The following GPSM1 variants were observed in gnomAD, a reference collection of about 807,000 sequenced individuals.
The protein encoded by GPSM1 is G protein signaling modulator 1.
GPSM1 carries 48 observed loss-of-function variants against 70.5 expected under a neutral mutation model. The ratio of observed to expected loss-of-function variants is 0.68; its 90% CI spans 0.54 to 0.87. The LOEUF (loss-of-function observed/expected upper bound fraction) is 0.87, where lower values mean the gene tolerates loss of function less well. Ranked by LOEUF, GPSM1 falls within the 40% of genes least tolerant of loss-of-function variation. GPSM1 has a pLI of 0.00. For missense variants in GPSM1, 981 were observed against 972.6 expected (o/e 1.01, Z -0.11); for synonymous variants, 416 against 430.1 (o/e 0.97, Z 0.41).
rs984402373 is a variant in GPSM1 at position 136,357,866 on chromosome 9, G to T, written c.1822-148G>T. On this transcript the variant is annotated intron_variant, in intron 13 of 13. Coordinates refer to ENST00000440944, the MANE Select transcript of GPSM1 (RefSeq NM_001145638.3). ...CGGGCTCCCAGCACAAGACCCCAGA[G>T]CGAGGCAGGCCCCAGAACCAATTTC... The T allele has an allele frequency of 1.1e-5, 7 of 621,462 alleles. No individual in the cohort carries two copies. In the African/African-American group the frequency reaches 1.3e-4, roughly 12 times the overall value. 38.5% of individuals were successfully genotyped at this position (621,462 alleles called of 1,614,324 possible).
intron 1 of GPSM1, 56 bp downstream of exon 1, chr9:136,327,819 T>A (rs1832011639): frequency 1.4e-6 from 1 of 700,974 alleles, no homozygotes; most frequent in African/African-American, 1.9e-5. Flanking sequence ...CCGGGCCGGG[T>A]CGGGACGCGG....
chr9:136,344,900 G>T (rs1254699832), intron 9 of GPSM1, among the ~76,000 whole-genome samples: 1 of 152,214 alleles, frequency 6.6e-6, no homozygotes, highest in Non-Finnish European at 1.5e-5. Context: ...AAGGGGCAAG[G>T]CCTAGGCCAG....
intron 11 of GPSM1, among the ~76,000 whole-genome samples, chr9:136,353,703 C>G (rs1425398533): frequency 6.6e-6 from 1 of 152,196 alleles, no homozygotes. Context: ...CCAGGAGGGA[C>G]CTTGCTCAGT....
chr9:136,338,440 G>A (rs1029597563), intron 6 of GPSM1, 115 bp from the exon 7 acceptor site: 9 of 975,030 alleles, frequency 9.2e-6, no homozygotes, highest in Non-Finnish European at 1.2e-5. Flanking sequence ...CCCCAGAGAG[G>A]CCCCAGTGGG....
intron 1 of GPSM1, 72 bp downstream of exon 1, chr9:136,327,835 G>T: frequency 1.8e-6 from 1 of 541,278 alleles, no homozygotes; most frequent in East Asian, 4.7e-5. Context: ...CGCGGGGGAG[G>T]CTGCAGTTGG....
At chr9:136,345,064 C>T (rs1554771023) in intron 9 of GPSM1, among the ~76,000 whole-genome samples, 1 of 152,168 alleles carries the variant, frequency 6.6e-6, no homozygotes, top group African/African-American at 2.4e-5. Flanking sequence ...GGATTTCAGA[C>T]CAGAGGTGGG....
chr9:136,344,463 G>C (rs1008243471), intron 9 of GPSM1, among the ~76,000 whole-genome samples: 37 of 152,206 alleles, frequency 2.4e-4, no homozygotes, highest in Admixed American at 2.6e-4. Context: ...GCTGGCAGAC[G>C]GCGCTTTCTT....
Position 136,354,874 on chromosome 9 carries a change from A to G in GPSM1, c.1456-816A>G, listed in dbSNP as rs1236523736. ...CACAGGGTGTGGTGGGCACAGGGAC[A>G]GGAGGCACGGGAGGCTTCCCGGGAT... On this transcript the variant is annotated intron_variant, in intron 11 of 13. Coordinates refer to ENST00000440944, the MANE Select transcript of GPSM1 (RefSeq NM_001145638.3). 18 of 1,014,240 alleles carry G rather than the reference A, an allele frequency of 1.8e-5. 1 individual carries two copies. The Admixed American group carries it at 6.7e-4, about 38-fold the overall frequency. The allele number at this position is 1,014,240 out of a possible 1,614,324, so 62.8% of individuals were successfully genotyped here.
intron 13 of GPSM1, among the ~76,000 whole-genome samples, chr9:136,357,549 A>T (rs1163033547): frequency 5.3e-5 from 8 of 152,234 alleles, no homozygotes; most frequent in Non-Finnish European, 1.2e-4. Flanking sequence ...ACACAAGGGG[A>T]AGCCCTGGGG....
intron 11 of GPSM1, among the ~76,000 whole-genome samples, chr9:136,350,171 G>A (rs937416179): frequency 3.3e-5 from 5 of 152,184 alleles, no homozygotes; most frequent in South Asian, 4.1e-4. Context: ...AGACCCATCC[G>A]CTAGTCACAG....
At chr9:136,332,121 C>G in intron 1 of GPSM1, 1 of 399,428 alleles carries the variant, frequency 2.5e-6, no homozygotes, top group Non-Finnish European at 4.4e-6. Flanking sequence ...GCCCGTGGGC[C>G]TGGAGCTGTG....
rs112024031 is a variant in GPSM1, at chr9:136,341,366, AGGGCTGGGCTGGGCT to A, written c.1207+390_1207+404del. On this transcript the variant is annotated intron_variant, in intron 9 of 13. Coordinates refer to ENST00000440944, the MANE Select transcript of GPSM1 (RefSeq NM_001145638.3). The surrounding 1 kb of genome is among the most constrained non-coding windows in gnomAD (Gnocchi z 6.7). ...TGGGAGGCGAGAGGGCATCAGCCAG[AGGGCTGGGCTGGGCT>A]GGGCTGGGCTGGGCTGTGGGAGCCC... 26 of 1,409,418 alleles carry A rather than the reference AGGGCTGGGCTGGGCT, an allele frequency of 1.8e-5. No homozygotes were observed. The highest frequency in any genetic ancestry group is 2.2e-5 in the Non-Finnish European group (24 of 1,085,598). The allele number at this position is 1,409,418 out of a possible 1,614,324, so 87.3% of individuals were successfully genotyped here.
intron 6 of GPSM1, 77 bp from the exon 7 acceptor site, chr9:136,338,478 A>T (rs1366230986): frequency 7.1e-7 from 1 of 1,399,922 alleles, no homozygotes; most frequent in East Asian, 2.4e-5. Flanking sequence ...CATCGGGCAG[A>T]CTGCGTCCCC....
At chr9:136,334,796 TGGGTGAGTGGGGATGGCCCTGCTGGC>T in intron 2 of GPSM1, 128 bp downstream of exon 2, 1 of 712,764 alleles carries the variant, frequency 1.4e-6, no homozygotes, top group Non-Finnish European at 2.3e-6. Context: ...GCCCTGCTGG[TGGGTGAGTGGGGATGGCCCTGCTGGC>T]GGGTGAGTGG....
rs1420117000 is a variant in GPSM1 at position 136,340,475 on chromosome 9, A to G, written c.1084-395A>G. Among the ~76,000 whole-genome samples, 8 of 151,808 alleles carry G rather than the reference A, an allele frequency of 5.3e-5. No individual in the cohort carries two copies. Among genetic ancestry groups the G allele is most frequent in the Middle Eastern group, 6.8e-3 (2 of 294 alleles). On this transcript the variant is annotated intron_variant, in intron 8 of 13. Transcript: ENST00000440944. This position sits in a 1 kb window ranked among gnomAD's most constrained non-coding sequence, Gnocchi z 7.3. ...ACCTCTCTTCTGCTTGACTTAAGCA[A>G]ACAGTTAGTTCCTGAGTGATGTGGA... is the stretch of plus-strand genomic sequence containing the variant.
At position 136,337,499 on chromosome 9, in the gene GPSM1, G is replaced by C. The variant is rs781794818; in HGVS notation, c.637G>C (p.Gly213Arg). ...GDRAAQGRAY[G>R]NLGNTHYLLG... is the part of the protein sequence containing the mutation. ...CCGTGCGGCGCAGGGCAGGGCCTACGGCAACCTGGGCAACACCCACTATTT... is the reference window on the plus strand; with the variant it reads ...CCGTGCGGCGCAGGGCAGGGCCTACCGCAACCTGGGCAACACCCACTATTT... The change falls in exon 5 of 14, where the codon GGC becomes CGC. Residue 213 changes from glycine to arginine, a missense_variant. Gly to Arg is a moderately radical substitution (Grantham distance 125). Transcript: ENST00000440944. 18 of 1,562,120 alleles carry C rather than the reference G, an allele frequency of 1.2e-5. No individual in the cohort carries two copies. The highest frequency in any genetic ancestry group is 2.4e-5 in the South Asian group (2 of 84,856).
intron 9 of GPSM1, among the ~76,000 whole-genome samples, chr9:136,345,790 G>T (rs985051329): frequency 6.6e-6 from 1 of 152,178 alleles, no homozygotes; most frequent in Non-Finnish European, 1.5e-5. Flanking sequence ...TCCATGGTGT[G>T]GGGAGCAGGC....
chr9:136,349,761 A>G lies in GPSM1; in HGVS notation c.1453A>G (p.Thr485Ala). Residue 485 changes from threonine to alanine, a missense_variant and splice_region_variant, in exon 11 of 14, where the codon ACG becomes GCG. Transcript: ENST00000440944. ...CGACGTCCGGGTGCACGTGCCACGC[A>G]CGGTAGGCGTCTTTGACGGCAGATC... ...SADVRVHVPRTSIPRAPSSDE... is the reference protein window; with the variant it reads ...SADVRVHVPRASIPRAPSSDE... The G allele has an allele frequency of 6.4e-7, 1 of 1,572,886 alleles. No homozygotes were observed. Among genetic ancestry groups the G allele is most frequent in the South Asian group, 1.2e-5 (1 of 85,938 alleles).
Position 136,355,734 on chromosome 9 carries a change from C to T in GPSM1, c.1500C>T (p.Asp500=), listed in dbSNP as rs61740929. 0.018 allele frequency: 28,691 copies of T among 1,612,344 alleles called. 391 individuals carry two copies. Among genetic ancestry groups the T allele is most frequent in the Middle Eastern group, 0.064 (390 of 6,054 alleles). The change falls in exon 12 of 14, where the codon GAC becomes GAT. Residue 500 remains aspartate (D), a synonymous_variant. Coordinates refer to ENST00000440944, the MANE Select transcript of GPSM1 (RefSeq NM_001145638.3). ...CTTCGGACGAGGAGTGCTTCTTTGA[C>T]CTGTTGACCAAGTTCCAGAGCAGCC... ...APSSDEECFF[D]LLTKFQSSRM... is the part of the protein sequence containing the mutation.
Sources: gnomAD v4.1 joint callset for allele counts (sites outside exome capture counted in the v4.1 genomes callset) on GRCh38, gnomAD v4.1.1 for gene constraint, Gnocchi (gnomAD v3.1) non-coding constraint, MANE v1.5 for transcripts, NCBI Gene and HGNC (gene_info 2026-07-23, HGNC 2026-07-21) for gene names.